B4GALT3: variants seen among roughly 807,000 people sequenced by gnomAD.
The protein encoded by B4GALT3 is N-acetyllactosamine synthase.
B4GALT3 carries 29 observed loss-of-function variants against 40.7 expected under a neutral mutation model. That is an observed-to-expected ratio of 0.71 (90% CI 0.53 to 0.97). The LOEUF (loss-of-function observed/expected upper bound fraction) is 0.97, where lower values mean the gene tolerates loss of function less well. B4GALT3 is among the 50% of genes least tolerant of loss of function. The pLI, the probability that B4GALT3 is intolerant of heterozygous loss-of-function variation, is 0.00. For synonymous variants in B4GALT3, 182 were observed against 203.9 expected, an observed-to-expected ratio of 0.89 and a Z score of 0.92; for missense variants, 390 against 522.3, an observed-to-expected ratio of 0.75 and a Z score of 2.47.
At chr1:161,175,259 C>G (rs769896149) in intron 3 of B4GALT3, 31 bp from the exon 4 acceptor site, 1 of 1,581,090 alleles carries the variant, frequency 6.3e-7, no homozygotes, top group Non-Finnish European at 8.7e-7. Context: ...GTAGAGGGAT[C>G]AGAGGGGCAA....
rs778032228 is a variant in B4GALT3, at chr1:161,176,052, C to T, written c.9G>A (p.Arg3=). ML[R]RLLERPCTLA... ...GCGTGCAAGGCCGCTCCAGCAGCCT[C>T]CGCAACATCCTGGGGGTGAGATCTA... The change falls in exon 3 of 8, where the codon CGG becomes CGA. Residue 3 remains arginine, a synonymous_variant. Transcript: ENST00000319769. The T allele has an allele frequency of 1.2e-6, 2 of 1,614,010 alleles. No individual in the cohort carries two copies. The highest frequency in any genetic ancestry group is 1.7e-6 in the Non-Finnish European group (2 of 1,179,980).
intron 1 of B4GALT3, chr1:161,176,859 A>G: frequency 6.5e-7 from 1 of 1,535,856 alleles, no homozygotes; most frequent in East Asian, 2.4e-5. Context: ...ACCAAGAACC[A>G]GTTGAAGTGG....
chr1:161,174,063 G>A lies in B4GALT3; in HGVS notation c.490-14C>T. 1.2e-6 allele frequency: 2 copies of A among 1,611,740 alleles called. No homozygotes were observed. The highest frequency in any genetic ancestry group is 1.1e-5 in the South Asian group (1 of 90,838). On this transcript the variant is annotated splice_polypyrimidine_tract_variant and intron_variant, in intron 4 of 7. Coordinates refer to ENST00000319769, the MANE Select transcript of B4GALT3 (RefSeq NM_003779.4). ...TCCATTTCCAGCCTGGAAGATAATG[G>A]AGGGGAACCAGACTATGTCTGTAGG... is the stretch of plus-strand genomic sequence containing the variant.
At chr1:161,177,084 G>A (rs1195780709) in intron 1 of B4GALT3, 5 of 1,533,002 alleles carry the variant, frequency 3.3e-6, no homozygotes, top group South Asian at 1.2e-5. Flanking sequence ...CTCTTCTAGC[G>A]GGGGTGGGGA....
chr1:161,171,698 A>G lies in B4GALT3; in HGVS notation c.*118T>C, dbSNP rs1661488522. 1 of 1,421,170 alleles carries G rather than the reference A, an allele frequency of 7.0e-7. No homozygotes were observed. The highest frequency in any genetic ancestry group is 9.6e-7 in the Non-Finnish European group (1 of 1,045,474). The allele number at this position is 1,421,170 out of a possible 1,614,324, so 88.0% of individuals were successfully genotyped here. A position where few individuals can be genotyped will look rare whatever the true frequency, so the allele number is the denominator to read the frequency against. ...AGTGAGGGAGAGGCCCCTACCCCCTAGCACGGCACCAGAGTTCAGTTCCCT... is the reference window on the plus strand; with the variant it reads ...AGTGAGGGAGAGGCCCCTACCCCCTGGCACGGCACCAGAGTTCAGTTCCCT... On this transcript the variant is annotated 3_prime_UTR_variant, in exon 8 of 8. Coordinates refer to ENST00000319769, the MANE Select transcript of B4GALT3 (RefSeq NM_003779.4).
Position 161,172,068 on chromosome 1 carries a change from G to A in B4GALT3, c.930C>T (p.Thr310=). 6.2e-7 allele frequency: 1 copy of A among 1,614,150 alleles called. No homozygotes were observed. Among genetic ancestry groups the A allele is most frequent in the Non-Finnish European group, 8.5e-7 (1 of 1,180,028 alleles). The change falls in exon 8 of 8, where the codon ACC becomes ACT. Residue 310 remains threonine, a synonymous_variant. Transcript: ENST00000319769. Reference sequence around the variant, plus strand: ...TCCCATCTTGCGTCCAGGAATTCTGGGTACGGACCAGGAGGTCAAATCTGA... The same window carrying A: ...TCCCATCTTGCGTCCAGGAATTCTGAGTACGGACCAGGAGGTCAAATCTGA... The part of the protein sequence containing the change: ...NPHRFDLLVR[T]QNSWTQDGMN...
upstream of B4GALT3, chr1:161,177,549 A>G (rs1319121136): frequency 6.0e-6 from 1 of 167,118 alleles, no homozygotes; most frequent in African/African-American, 2.4e-5. Context: ...GGGCGGAGCC[A>G]CCCGGGCTGA....
Position 161,176,460 on chromosome 1 carries a change from T to C in B4GALT3, c.-41A>G, listed in dbSNP as rs185263519. On this transcript the variant is annotated 5_prime_UTR_variant, in exon 2 of 8. Coordinates refer to ENST00000319769, the MANE Select transcript of B4GALT3 (RefSeq NM_003779.4). The stretch of plus-strand genomic sequence containing the variant: ...TAGGTTCAAGCTGTCTTCTTAGGGA[T>C]CATGGGGGCTCCAGGGGGTCCCGGG... The C allele has an allele frequency of 1.1e-5, 4 of 374,436 alleles. No individual in the cohort carries two copies. The East Asian group carries it at 1.6e-4, about 15-fold the overall frequency. 23.2% of individuals were successfully genotyped at this position (374,436 alleles called of 1,614,324 possible). A position where few individuals can be genotyped will look rare whatever the true frequency, so the allele number is the denominator to read the frequency against.
At position 161,173,650 on chromosome 1, in the gene B4GALT3, T is replaced by C. The variant is rs149349892; in HGVS notation, c.758A>G (p.Asn253Ser). ...CTCACCACCCCAGCCCCAGTATTCA[T>C]TGGGGAAGCCATTCATCTTCAGGTA... Reference protein sequence around the residue: ...DQYLKMNGFPNEYWGWGGEDD... With the variant: ...DQYLKMNGFPSEYWGWGGEDD... The change falls in exon 6 of 8, where the codon AAT becomes AGT. Residue 253 changes from asparagine to serine, a missense_variant. Asn to Ser is a conservative substitution (Grantham distance 46). Around this residue, in one of 3 missense-constraint regions of B4GALT3, gnomAD observed 135 missense variants for 227.8 expected, o/e 0.59. Coordinates refer to ENST00000319769, the MANE Select transcript of B4GALT3 (RefSeq NM_003779.4). The C allele has an allele frequency of 5.0e-5, 81 of 1,613,972 alleles. No individual in the cohort carries two copies. The highest frequency in any genetic ancestry group is 5.6e-5 in the Non-Finnish European group (66 of 1,180,002).
chr1:161,175,545 A>G (rs1663174154), intron 3 of B4GALT3, among the ~76,000 whole-genome samples: 1 of 152,154 alleles, frequency 6.6e-6, no homozygotes, highest in African/African-American at 2.4e-5. Context: ...TACAAGGAAA[A>G]CAATTCCTAG....
Position 161,171,659 on chromosome 1 carries a change from A to T in B4GALT3, c.*157T>A, listed in dbSNP as rs1192751138. ...GGACCCCTCAGGTCTACAGGAGCCC[A>T]GCTCCAGTCCAGCAGTGAGGGAGAG... On this transcript the variant is annotated 3_prime_UTR_variant, in exon 8 of 8. Coordinates refer to ENST00000319769, the MANE Select transcript of B4GALT3 (RefSeq NM_003779.4). The T allele has an allele frequency of 1.9e-6, 2 of 1,046,962 alleles. No homozygotes were observed. The highest frequency in any genetic ancestry group is 2.7e-6 in the Non-Finnish European group (2 of 733,936). The allele number at this position is 1,046,962 out of a possible 1,614,324, so 64.9% of individuals were successfully genotyped here.
rs866970689 is a variant in B4GALT3 at position 161,171,711 on chromosome 1, A to G, written c.*105T>C. ...CCCCTACCCCCTAGCACGGCACCAG[A>G]GTTCAGTTCCCTCACATCCCTCTGA... On this transcript the variant is annotated 3_prime_UTR_variant, in exon 8 of 8. Coordinates refer to ENST00000319769, the MANE Select transcript of B4GALT3 (RefSeq NM_003779.4). The G allele has an allele frequency of 2.2e-5, 32 of 1,475,978 alleles. No individual in the cohort carries two copies. Among genetic ancestry groups the G allele is most frequent in the Middle Eastern group, 3.6e-4 (2 of 5,628 alleles). 91.4% of individuals were successfully genotyped at this position (1,475,978 alleles called of 1,614,324 possible). A position where few individuals can be genotyped will look rare whatever the true frequency, so the allele number is the denominator to read the frequency against.
intron 1 of B4GALT3, 151 bp from the exon 2 acceptor site, chr1:161,176,730 G>A (rs1663674693): frequency 2.5e-6 from 2 of 785,158 alleles, no homozygotes; most frequent in East Asian, 5.4e-5. Context: ...CCTATCTCCC[G>A]TGCTACCCTG....
In B4GALT3 at chr1:161,175,916, A is replaced by C; in HGVS notation, c.145T>G (p.Ser49Ala). The C allele has an allele frequency of 6.2e-7, 1 of 1,614,158 alleles. No individual in the cohort carries two copies. ...GRDQGPTFDY[S>A]HPRDVYSNLS... The stretch of plus-strand genomic sequence containing the variant: ...TTACTGTAGACATCACGAGGGTGAG[A>C]ATAGTCAAATGTCGGTCCCTGATCT... The change falls in exon 3 of 8, where the codon TCT becomes GCT. Residue 49 changes from serine (S) to alanine (A), a missense_variant. This residue lies in a region of B4GALT3 where 183 missense variants were observed against 223.2 expected (regional missense o/e 0.82). Coordinates refer to ENST00000319769, the MANE Select transcript of B4GALT3 (RefSeq NM_003779.4).
At chr1:161,177,029 GAGAGTA>G in intron 1 of B4GALT3, 1 of 1,536,056 alleles carries the variant, frequency 6.5e-7, no homozygotes, top group Non-Finnish European at 8.7e-7. Context: ...GAGCTCGGCG[GAGAGTA>G]GGGTGGGGGT....
At chr1:161,174,930 T>C (rs1662916747) in intron 4 of B4GALT3, 63 bp downstream of exon 4, 1 of 1,513,514 alleles carries the variant, frequency 6.6e-7, no homozygotes, top group Non-Finnish European at 9.1e-7. Context: ...GAAAGTGAAG[T>C]GGCATGTGCT....
At chr1:161,176,216 A>G in intron 2 of B4GALT3, 142 bp from the exon 3 acceptor site, 3 of 899,556 alleles carry the variant, frequency 3.3e-6, no homozygotes, top group Non-Finnish European at 5.0e-6. Flanking sequence ...ACACAGGTGC[A>G]CAGTCACGCA....
At chr1:161,175,765 C>T (rs754249359) in intron 3 of B4GALT3, 43 bp downstream of exon 3, 1 of 1,604,262 alleles carries the variant, frequency 6.2e-7, no homozygotes, top group South Asian at 1.1e-5. Flanking sequence ...CCTGTCTCCG[C>T]ACCTTGTCCT....
At chr1:161,177,124 G>C in intron 1 of B4GALT3, 1 of 1,493,512 alleles carries the variant, frequency 6.7e-7, no homozygotes, top group Admixed American at 2.0e-5. Flanking sequence ...GAAAGGGAGA[G>C]GGAGAGCAGG....
Sources: allele counts gnomAD v4.1 joint callset (sites outside exome capture counted in the v4.1 genomes callset), GRCh38; gene constraint gnomAD v4.1.1; regional missense constraint gnomAD v4.1.1; transcripts MANE v1.5; gene names NCBI Gene and HGNC (gene_info 2026-07-23, HGNC 2026-07-21).